Variants in SHROOM4 observed in about 807,000 individuals in gnomAD.
SHROOM4 encodes protein Shroom4.
Under a neutral mutation model 80.3 loss-of-function variants are expected in SHROOM4, and 17 were observed. The ratio of observed to expected loss-of-function variants is 0.21; its 90% confidence interval spans 0.14 to 0.32. The LOEUF is 0.32. Among genes scored for constraint, SHROOM4 ranks in the 10% least tolerant of loss-of-function variants. The probability of loss-of-function intolerance (pLI) is 1.00; values close to 1 mark genes in which losing one functional copy is unlikely to be tolerated. For missense variants in SHROOM4, 993 were observed against 1,140.3 expected (o/e 0.87, Z 1.86); for synonymous variants, 400 against 437.5 (o/e 0.91, Z 1.07).
At chrX:50,676,785 C>T (rs1447463402) in intron 2 of SHROOM4, among the ~76,000 whole-genome samples, 3 of 110,474 alleles carry the variant, frequency 2.7e-5, no homozygotes, top group African/African-American at 6.6e-5. Context: ...AGTGTCAGGC[C>T]CTGTTGTTAA....
chrX:50,627,801 C>G (rs782650006), intron 4 of SHROOM4, 126 bp from the exon 5 acceptor site: 1 of 548,972 alleles, frequency 1.8e-6, no homozygotes, highest in African/African-American at 2.3e-5. Context: ...TTCTACTCTG[C>G]TATGCAGGCT....
At chrX:50,650,895 C>A (rs1333071007) in intron 2 of SHROOM4, among the ~76,000 whole-genome samples, 1 of 111,902 alleles carries the variant, frequency 8.9e-6, no homozygotes, top group Non-Finnish European at 1.9e-5. Context: ...GCAGTGGATT[C>A]TTTTGTCTTA....
chrX:50,760,464 A>T (rs1935131413), intron 1 of SHROOM4, among the ~76,000 whole-genome samples: 1 of 108,600 alleles, frequency 9.2e-6, no homozygotes, highest in African/African-American at 3.4e-5. Context: ...CAGCCTCACA[A>T]GTAGCTGGGA....
chrX:50,742,915 CATAA>C (rs2147579212), intron 1 of SHROOM4, among the ~76,000 whole-genome samples: 1 of 112,226 alleles, frequency 8.9e-6, no homozygotes, highest in East Asian at 2.8e-4. Context: ...AATTCTTCTG[CATAA>C]AATGTTTGTA....
intron 2 of SHROOM4, 123 bp downstream of exon 2, chrX:50,695,663 T>A: frequency 1.2e-6 from 1 of 847,624 alleles, no homozygotes; most frequent in South Asian, 2.2e-5. Context: ...GTCTGCAAAA[T>A]TCTATTCAAG....
chrX:50,771,651 T>C (rs947955595), intron 1 of SHROOM4, among the ~76,000 whole-genome samples: 1 of 112,403 alleles, frequency 8.9e-6, no homozygotes, highest in Non-Finnish European at 1.9e-5. Context: ...CATCCTCCCA[T>C]TCATTATGCC....
intron 1 of SHROOM4, among the ~76,000 whole-genome samples, chrX:50,708,901 C>T (rs142012695): frequency 1.3e-4 from 14 of 111,587 alleles, no homozygotes; most frequent in African/African-American, 2.9e-4. Flanking sequence ...GACATTGCAA[C>T]GAGAAGGACT....
Position 50,653,809 on chromosome X carries a change from T to C in SHROOM4, c.270-15501A>G, listed in dbSNP as rs189243698. On this transcript the variant is annotated intron_variant, in intron 2 of 8. Coordinates refer to ENST00000376020, the MANE Select transcript of SHROOM4 (RefSeq NM_020717.5). ...CTTTATCGAAGGCCTTTTCTGCATC[T>C]ATGGAGATAATTATGTGGTTTTTGT... Among the ~76,000 whole-genome samples, 296 of 112,170 alleles carry C rather than the reference T, an allele frequency of 2.6e-3. 3 individuals are homozygous for C. Among genetic ancestry groups the C allele is most frequent in the African/African-American group, 8.9e-3 (276 of 30,908 alleles).
chrX:50,760,649 T>G (rs1377627520), intron 1 of SHROOM4, among the ~76,000 whole-genome samples: 1 of 112,009 alleles, frequency 8.9e-6, no homozygotes, highest in Non-Finnish European at 1.9e-5. Flanking sequence ...CATTTTTTTT[T>G]GTTTTAATAC....
chrX:50,775,430 G>C (rs1557270030), intron 1 of SHROOM4, among the ~76,000 whole-genome samples: 1 of 111,487 alleles, frequency 9.0e-6, no homozygotes, highest in Admixed American at 9.6e-5. Flanking sequence ...TCCTAGGCAT[G>C]AATACAAAGA....
rs186359097 is a variant in SHROOM4, at chrX:50,654,361, C to T, written c.270-16053G>A. On this transcript the variant is annotated intron_variant, in intron 2 of 8. Coordinates refer to ENST00000376020, the MANE Select transcript of SHROOM4 (RefSeq NM_020717.5). ...TTTCTCTTTCTGAGGTATTTACATT[C>T]ACAAACCTCAAGTTCATCAAGCTGT... Among the ~76,000 whole-genome samples, 42 of 111,700 alleles carry T rather than the reference C, an allele frequency of 3.8e-4. No individual in the cohort carries two copies. The Admixed American group carries it at 4.0e-3, about 11-fold the overall frequency.
In SHROOM4 at chrX:50,591,686, TTTCTTTCTTTTCTTTC is replaced by T. The variant is rs1390649740; in HGVS notation, c.*4993_*5008del. ...TGGAACTGTTTTCTTTCTTTCTTTC[TTTCTTTCTTTTCTTTC>T]TTTCTTTCTTTCTTTCTTTCTTTCT... On this transcript the variant is annotated 3_prime_UTR_variant, in exon 9 of 9. Coordinates refer to ENST00000376020, the MANE Select transcript of SHROOM4 (RefSeq NM_020717.5). 4 of 262,426 alleles carry T rather than the reference TTTCTTTCTTTTCTTTC, an allele frequency of 1.5e-5. No homozygotes were observed. Among genetic ancestry groups the T allele is most frequent in the South Asian group, 6.3e-5 (2 of 31,538 alleles). The allele number at this position is 262,426 out of a possible 1,213,427, so 21.6% of individuals were successfully genotyped here.
At chrX:50,684,211 A>G (rs956940194) in intron 2 of SHROOM4, among the ~76,000 whole-genome samples, 6 of 111,570 alleles carry the variant, frequency 5.4e-5, no homozygotes, top group Non-Finnish European at 1.1e-4. Flanking sequence ...CCTAAATCCA[A>G]TGACTGGTGA....
intron 1 of SHROOM4, among the ~76,000 whole-genome samples, chrX:50,696,632 A>G (rs1933377129): frequency 8.9e-6 from 1 of 112,418 alleles, no homozygotes; most frequent in Admixed American, 9.4e-5. Flanking sequence ...CAAAAGATAC[A>G]AGTAGGTACA....
intron 1 of SHROOM4, among the ~76,000 whole-genome samples, chrX:50,762,325 C>A (rs1935176716): frequency 8.9e-6 from 1 of 112,393 alleles, no homozygotes; most frequent in South Asian, 3.7e-4. Flanking sequence ...TCAGCCTACT[C>A]TGTGCTGTCA....
Position 50,592,153 on chromosome X carries a change from A to C in SHROOM4, c.*4542T>G, listed in dbSNP as rs1928913332. On this transcript the variant is annotated 3_prime_UTR_variant, in exon 9 of 9. Coordinates refer to ENST00000376020, the MANE Select transcript of SHROOM4 (RefSeq NM_020717.5). ...GAAGAGCAAGAATATGCCTGGGATA[A>C]GGAAAAAATGAATTGAGTAGATCAG... is the stretch of plus-strand genomic sequence containing the variant. 3.0e-6 allele frequency: 1 copy of C among 329,810 alleles called. No homozygotes were observed. Among genetic ancestry groups the C allele is most frequent in the Non-Finnish European group, 5.9e-6 (1 of 170,068 alleles). 27.2% of individuals were successfully genotyped at this position (329,810 alleles called of 1,213,427 possible). A position where few individuals can be genotyped will look rare whatever the true frequency, so the allele number is the denominator to read the frequency against.
intron 1 of SHROOM4, among the ~76,000 whole-genome samples, chrX:50,779,779 A>G (rs782332988): frequency 1.2e-4 from 14 of 112,096 alleles, no homozygotes; most frequent in Non-Finnish European, 2.4e-4. Context: ...CACCATCTGC[A>G]AAACACACAC....
At chrX:50,792,185 A>G (rs1557271592) in intron 1 of SHROOM4, among the ~76,000 whole-genome samples, 2 of 111,946 alleles carry the variant, frequency 1.8e-5, no homozygotes, top group African/African-American at 6.5e-5. Context: ...CTTCTGCACA[A>G]CTAACGAATC....
intron 3 of SHROOM4, among the ~76,000 whole-genome samples, chrX:50,637,050 C>T (rs1364543469): frequency 9.0e-6 from 1 of 111,346 alleles, no homozygotes; most frequent in Non-Finnish European, 1.9e-5. Context: ...GGGGCCTCTG[C>T]CCACCCACGC....
Sources: allele counts gnomAD v4.1 joint callset (sites outside exome capture counted in the v4.1 genomes callset), GRCh38; gene constraint gnomAD v4.1.1; transcripts MANE v1.5; gene names NCBI Gene and HGNC (gene_info 2026-07-23, HGNC 2026-07-21).